USH2A: variants seen among roughly 807,000 people sequenced by gnomAD.
USH2A encodes the protein usherin, also known as Usher syndrome 2A (autosomal recessive, mild).
Under a neutral mutation model 538.9 loss-of-function variants are expected in USH2A, and 443 were observed. The observed-to-expected ratio is 0.82, with a 90% CI of 0.76 to 0.89. The LOEUF (loss-of-function observed/expected upper bound fraction) is 0.89. Among genes scored for constraint, USH2A ranks in the 40% least tolerant of loss-of-function variants. USH2A has a pLI of 0.00. For missense variants in USH2A, 6,633 were observed against 6,324.8 expected (o/e 1.05, Z -1.65); for synonymous variants, 2,413 against 2,273.5 (o/e 1.06, Z -1.75).
chr1:216,042,904 C>G (rs1035534654), intron 32 of USH2A, among the ~76,000 whole-genome samples: 1 of 152,016 alleles, frequency 6.6e-6, no homozygotes, highest in Admixed American at 6.6e-5. Context: ...AAAGAAAGTC[C>G]ATGTGCACCT....
intron 32 of USH2A, among the ~76,000 whole-genome samples, chr1:216,040,270 G>A (rs1013495627): frequency 2.0e-5 from 3 of 151,928 alleles, no homozygotes; most frequent in Non-Finnish European, 4.4e-5. Context: ...AAACACACGT[G>A]TTATGGCTTG....
At chr1:216,023,909 G>GA (rs1267896496) in intron 32 of USH2A, among the ~76,000 whole-genome samples, 13 of 151,984 alleles carry the variant, frequency 8.6e-5, no homozygotes, top group Admixed American at 8.5e-4. Context: ...AGTACAAAAT[G>GA]AAAAGCAAAA....
chr1:216,378,957 G>T (rs1459263225), intron 3 of USH2A, among the ~76,000 whole-genome samples: 1 of 152,086 alleles, frequency 6.6e-6, no homozygotes, highest in Non-Finnish European at 1.5e-5. Context: ...GATTGGATTT[G>T]ATAATTGTGG....
chr1:215,976,214 T>C lies in USH2A; in HGVS notation c.6806-5438A>G, dbSNP rs1667615921. 1.3e-5 allele frequency among the ~76,000 whole-genome samples: 2 copies of C among 152,134 alleles called. 1 individual carries two copies. Among genetic ancestry groups the C allele is most frequent in the Admixed American group, 1.3e-4 (2 of 15,266 alleles). ...TTTGTCAGTTCCAGGAACTTTCTGG[T>C]GGAATCTTTTGGGTTTTGTAGGCAT... is the stretch of plus-strand genomic sequence containing the variant. On this transcript the variant is annotated intron_variant, in intron 35 of 71. Transcript: ENST00000307340.
chr1:215,884,993 C>T (rs1665009076), intron 41 of USH2A, among the ~76,000 whole-genome samples: 1 of 152,058 alleles, frequency 6.6e-6, no homozygotes, highest in Admixed American at 6.6e-5. Context: ...TTTACAGGCT[C>T]ATGATGTTAT....
intron 15 of USH2A, among the ~76,000 whole-genome samples, chr1:216,208,555 G>C (rs1173035275): frequency 1.3e-5 from 2 of 152,200 alleles, no homozygotes; most frequent in Non-Finnish European, 2.9e-5. Context: ...ACTTTCAAAA[G>C]GGTGGGCAAA....
intron 21 of USH2A, among the ~76,000 whole-genome samples, chr1:216,140,768 G>A (rs561205074): frequency 6.6e-6 from 1 of 152,300 alleles, no homozygotes; most frequent in East Asian, 1.9e-4. Flanking sequence ...CTTAAGAGAG[G>A]CAGGCAATTG....
intron 21 of USH2A, among the ~76,000 whole-genome samples, chr1:216,112,453 T>C (rs566176902): frequency 1.3e-5 from 2 of 152,266 alleles, no homozygotes; most frequent in South Asian, 2.1e-4. Context: ...AACAAAGAAA[T>C]GTGTTTTATA....
chr1:215,881,328 A>G (rs1664902783), intron 41 of USH2A, among the ~76,000 whole-genome samples: 1 of 151,932 alleles, frequency 6.6e-6, no homozygotes. Flanking sequence ...TTTAGTAGAG[A>G]GGGGTTCTGC....
chr1:216,072,084 C>T (rs77505832), intron 29 of USH2A, among the ~76,000 whole-genome samples: 11,870 of 152,156 alleles, frequency 0.078, 509 homozygotes, highest in African/African-American at 0.11. Flanking sequence ...GATGGAAACA[C>T]GTCTTTAGAC....
At chr1:215,658,964 A>G (rs1440843977) in intron 64 of USH2A, among the ~76,000 whole-genome samples, 1 of 152,198 alleles carries the variant, frequency 6.6e-6, no homozygotes, top group Admixed American at 6.5e-5. Flanking sequence ...ATTAGGTAAG[A>G]CCATTTATCA....
At chr1:215,948,427 T>TAG (rs1005726304) in intron 37 of USH2A, among the ~76,000 whole-genome samples, 6 of 131,140 alleles carry the variant, frequency 4.6e-5, no homozygotes, top group African/African-American at 1.7e-4. Flanking sequence ...TTTGTTCAGA[T>TAG]ATATATATAT....
At chr1:215,813,403 A>G (rs995172247) in intron 49 of USH2A, among the ~76,000 whole-genome samples, 2 of 152,208 alleles carry the variant, frequency 1.3e-5, no homozygotes, top group Non-Finnish European at 2.9e-5. Flanking sequence ...GGGGTGGAAC[A>G]GTCAGCAATT....
At chr1:216,100,562 C>T (rs1571960835) in intron 21 of USH2A, among the ~76,000 whole-genome samples, 2 of 152,152 alleles carry the variant, frequency 1.3e-5, no homozygotes, top group African/African-American at 4.8e-5. Flanking sequence ...AATTACTCAG[C>T]TTGAGGTTAT....
chr1:215,887,147 G>A (rs1480051673), intron 41 of USH2A, among the ~76,000 whole-genome samples: 3 of 152,190 alleles, frequency 2.0e-5, no homozygotes, highest in African/African-American at 7.2e-5. Flanking sequence ...GTGAGCCACC[G>A]CACCCGGCCT....
Position 215,741,522 on chromosome 1 carries a change from C to T in USH2A, c.11564G>A (p.Ser3855Asn), listed in dbSNP as rs750822391. 1.1e-5 allele frequency: 17 copies of T among 1,612,348 alleles called. No homozygotes were observed. Among genetic ancestry groups the T allele is most frequent in the Non-Finnish European group, 1.4e-5 (17 of 1,179,556 alleles). ...AGGTGTTTTGACAAACATCCTACTG[C>T]TAACTCCACAACTTCCTTGAAAAAA... ...QACQNGSCGV[S>N]SRMFVKTPEA... Residue 3855 changes from serine (S) to asparagine (N), a missense_variant, in exon 60 of 72, where the codon AGC becomes AAC. Transcript: ENST00000307340.
At chr1:215,979,879 G>A (rs11804216) in intron 35 of USH2A, among the ~76,000 whole-genome samples, 2,219 of 152,168 alleles carry the variant, frequency 0.015, 57 homozygotes, top group African/African-American at 0.051. Flanking sequence ...GGTTAAAAAG[G>A]GAATTGTTTT....
At chr1:216,112,544 G>C (rs1431732748) in intron 21 of USH2A, among the ~76,000 whole-genome samples, 1 of 152,062 alleles carries the variant, frequency 6.6e-6, no homozygotes, top group African/African-American at 2.4e-5. Context: ...TCAATGAACA[G>C]ATGATTTCAT....
In USH2A at chr1:215,674,788, A is replaced by G. The variant is rs1558048384; in HGVS notation, c.13123T>C (p.Cys4375Arg). 13 of 1,614,170 alleles carry G rather than the reference A, an allele frequency of 8.1e-6. No individual in the cohort carries two copies. Among genetic ancestry groups the G allele is most frequent in the Non-Finnish European group, 1.1e-5 (13 of 1,180,042 alleles). ...WAVSATQMNV[C>R]WSPPTVQNGK... ...TTTTGCACTGTGGGCGGTGACCAAC[A>G]TACATTCATTTGAGTGGCACTGACG... is the stretch of plus-strand genomic sequence containing the variant. Residue 4375 changes from cysteine to arginine, a missense_variant, in exon 63 of 72, where the codon TGT (cysteine) becomes CGT (arginine). Transcript: ENST00000307340.
Sources: allele counts gnomAD v4.1 joint callset (sites outside exome capture counted in the v4.1 genomes callset), GRCh38; gene constraint gnomAD v4.1.1; transcripts MANE v1.5; gene names NCBI Gene and HGNC (gene_info 2026-07-23, HGNC 2026-07-21).